Variants in ZNF608 observed in about 807,000 individuals in gnomAD.
ZNF608 encodes the protein renal carcinoma antigen NY-REN-36.
A neutral mutation model predicts 109.0 loss-of-function variants in ZNF608; 12 were observed. The observed-to-expected ratio is 0.11, with a 90% CI of 0.07 to 0.18. The LOEUF (loss-of-function observed/expected upper bound fraction) is 0.18. ZNF608 is among the 10% of genes least tolerant of loss of function. The pLI is 1.00. For synonymous variants in ZNF608, 732 were observed against 717.4 expected, an observed-to-expected ratio of 1.02 and a Z score of -0.33; for missense variants, 1,707 against 1,879.3, an observed-to-expected ratio of 0.91 and a Z score of 1.70.
intron 3 of ZNF608, among the ~76,000 whole-genome samples, chr5:124,650,129 G>A (rs907786038): frequency 2.6e-5 from 4 of 152,188 alleles, no homozygotes; most frequent in Non-Finnish European, 5.9e-5. Flanking sequence ...AATCGGTTTT[G>A]TTTCCAATTC....
Position 124,724,442 on chromosome 5 carries a change from G to T in ZNF608, c.906+19642C>A, listed in dbSNP as rs529303773. On this transcript the variant is annotated intron_variant, in intron 2 of 9. Coordinates refer to ENST00000513986, the MANE Select transcript of ZNF608 (RefSeq NM_020747.3). ...ATGCAACTAATTTCTCAGGGCTCTG[G>T]ACCAGTCTCCTAAGTAGGAGACATG... 9.4e-5 allele frequency among the ~76,000 whole-genome samples: 13 copies of T among 138,348 alleles called. No individual in the cohort carries two copies. The East Asian group carries it at 2.5e-3, about 27-fold the overall frequency. 90.8% of individuals were successfully genotyped at this position (138,348 alleles called of 152,430 possible).
chr5:124,642,484 C>T (rs938828163), intron 7 of ZNF608, among the ~76,000 whole-genome samples: 6 of 152,124 alleles, frequency 3.9e-5, no homozygotes, highest in African/African-American at 1.4e-4. Flanking sequence ...ACCATGAACA[C>T]TGATGATGTG....
chr5:124,699,469 C>G (rs1394557730), intron 3 of ZNF608, among the ~76,000 whole-genome samples: 1 of 152,122 alleles, frequency 6.6e-6, no homozygotes, highest in Non-Finnish European at 1.5e-5. Flanking sequence ...AGAAGAGACC[C>G]AAAACTCAAA....
At chr5:124,641,979 G>A (rs1165755547) in intron 7 of ZNF608, among the ~76,000 whole-genome samples, 1 of 152,156 alleles carries the variant, frequency 6.6e-6, no homozygotes, top group African/African-American at 2.4e-5. Context: ...ATAGTTTGGG[G>A]TAAGGATGGT....
At chr5:124,707,769 G>A (rs1753319890) in intron 2 of ZNF608, 1 of 152,068 alleles carries the variant, frequency 6.6e-6, no homozygotes, top group Non-Finnish European at 1.5e-5. Flanking sequence ...GCAAAGCAGG[G>A]GAAGCTTTAA....
intron 2 of ZNF608, among the ~76,000 whole-genome samples, chr5:124,735,671 T>C (rs1489286105): frequency 1.3e-5 from 2 of 152,172 alleles, no homozygotes; most frequent in East Asian, 3.8e-4. Flanking sequence ...GCTGCTCCCT[T>C]TCTACTTCAG....
intron 3 of ZNF608, among the ~76,000 whole-genome samples, chr5:124,686,530 T>C (rs1446698974): frequency 6.6e-6 from 1 of 152,250 alleles, no homozygotes; most frequent in Admixed American, 6.5e-5. Context: ...CCACACATGT[T>C]TGTCTGGACA....
At chr5:124,698,029 T>C (rs920149905) in intron 3 of ZNF608, among the ~76,000 whole-genome samples, 2 of 152,188 alleles carry the variant, frequency 1.3e-5, no homozygotes, top group East Asian at 3.9e-4. Flanking sequence ...CTACAGGACA[T>C]TAGTCAAAGG....
At chr5:124,690,561 A>T (rs1752575315) in intron 3 of ZNF608, among the ~76,000 whole-genome samples, 1 of 152,178 alleles carries the variant, frequency 6.6e-6, no homozygotes, top group African/African-American at 2.4e-5. Context: ...AAAAAAGTGT[A>T]TCCAGGTCGG....
chr5:124,690,696 C>CA (rs1422097714), intron 3 of ZNF608, among the ~76,000 whole-genome samples: 1 of 97,224 alleles, frequency 1.0e-5, no homozygotes, highest in Non-Finnish European at 2.3e-5. Context: ...AAAACACAAA[C>CA]AAAAAAAACC....
chr5:124,695,905 C>T (rs1182463756), intron 3 of ZNF608, among the ~76,000 whole-genome samples: 2 of 151,748 alleles, frequency 1.3e-5, no homozygotes, highest in African/African-American at 2.4e-5. Flanking sequence ...TCATTTCGGC[C>T]GGGCGGGGTG....
At chr5:124,690,733 G>A (rs1354598867) in intron 3 of ZNF608, among the ~76,000 whole-genome samples, 1 of 151,604 alleles carries the variant, frequency 6.6e-6, no homozygotes, top group Non-Finnish European at 1.5e-5. Flanking sequence ...CTGAACTAAA[G>A]ACACTAAGAC....
intron 3 of ZNF608, among the ~76,000 whole-genome samples, chr5:124,676,175 C>T (rs1751938197): frequency 6.6e-6 from 1 of 152,106 alleles, no homozygotes; most frequent in African/African-American, 2.4e-5. Flanking sequence ...TCATCAAAGG[C>T]CTTTGGTGAA....
intron 2 of ZNF608, among the ~76,000 whole-genome samples, chr5:124,714,045 T>C (rs1365679056): frequency 1.3e-5 from 2 of 152,192 alleles, no homozygotes; most frequent in African/African-American, 4.8e-5. Flanking sequence ...CATCTTTTTA[T>C]TATACCAGCC....
intron 9 of ZNF608, among the ~76,000 whole-genome samples, chr5:124,638,381 C>G (rs1162690663): frequency 2.6e-5 from 4 of 152,112 alleles, no homozygotes; most frequent in African/African-American, 9.7e-5. Flanking sequence ...CTCAGCCTCC[C>G]TAGTAGCTGG....
chr5:124,656,050 G>A (rs1750990327), intron 3 of ZNF608, among the ~76,000 whole-genome samples: 1 of 151,814 alleles, frequency 6.6e-6, no homozygotes. Flanking sequence ...TTTTTTTAAA[G>A]AGCCCTACCG....
rs139500628 is a variant in ZNF608, at chr5:124,727,843, G to A, written c.906+16241C>T. Among the ~76,000 whole-genome samples, 1,160 of 150,426 alleles carry A rather than the reference G, an allele frequency of 7.7e-3. 19 individuals are homozygous for A. The highest frequency in any genetic ancestry group is 0.027 in the African/African-American group (1,101 of 40,888). ...CAACCTCCATCTCCCGGGTTAAAGCGATTCTCTTGCCTCAGCCTCCCAAGT... is the reference window on the plus strand; with the variant it reads ...CAACCTCCATCTCCCGGGTTAAAGCAATTCTCTTGCCTCAGCCTCCCAAGT... On this transcript the variant is annotated intron_variant, in intron 2 of 9. Coordinates refer to ENST00000513986, the MANE Select transcript of ZNF608 (RefSeq NM_020747.3).
intron 2 of ZNF608, among the ~76,000 whole-genome samples, chr5:124,721,432 C>T (rs1753896443): frequency 6.6e-6 from 1 of 152,170 alleles, no homozygotes; most frequent in South Asian, 2.1e-4. Context: ...CATCCATGCC[C>T]TCAGGGGTTC....
At chr5:124,743,576 G>A (rs900604096) in intron 2 of ZNF608, among the ~76,000 whole-genome samples, 3 of 152,226 alleles carry the variant, frequency 2.0e-5, no homozygotes, top group Non-Finnish European at 4.4e-5. Flanking sequence ...GATGAGGTCT[G>A]TAGAATGTAA....
Sources: allele counts gnomAD v4.1 joint callset (sites outside exome capture counted in the v4.1 genomes callset), GRCh38; gene constraint gnomAD v4.1.1; transcripts MANE v1.5; gene names NCBI Gene and HGNC (gene_info 2026-07-23, HGNC 2026-07-21).